The following PLCH1 variants were observed in gnomAD, a reference collection of about 807,000 sequenced individuals.
PLCH1 encodes phospholipase C eta 1.
A neutral mutation model predicts 126.7 loss-of-function variants in PLCH1; 60 were observed. The ratio of observed to expected loss-of-function variants is 0.47; its 90% CI spans 0.38 to 0.59. PLCH1 has a LOEUF of 0.59. Among genes scored for constraint, PLCH1 ranks in the 20% least tolerant of loss-of-function variants. The pLI is 0.00. For missense variants in PLCH1, 1,723 were observed against 2,040.0 expected, an observed-to-expected ratio of 0.84 and a Z score of 2.99; for synonymous variants, 719 against 734.9, an observed-to-expected ratio of 0.98 and a Z score of 0.35.
intron 15 of PLCH1, 26 bp from the exon 16 acceptor site, chr3:155,494,543 G>A (rs201479169): frequency 3.3e-5 from 32 of 977,418 alleles, no homozygotes; most frequent in Admixed American, 5.6e-5. Flanking sequence ...CGAGAAAAAA[G>A]GAAGTGAGAA....
At chr3:155,544,292 G>T (rs947507614) in intron 10 of PLCH1, among the ~76,000 whole-genome samples, 2 of 152,140 alleles carry the variant, frequency 1.3e-5, no homozygotes, top group African/African-American at 2.4e-5. Flanking sequence ...GACAAAGAAG[G>T]CCATTACATA....
intron 6 of PLCH1, among the ~76,000 whole-genome samples, chr3:155,569,788 T>C (rs1728965921): frequency 1.3e-5 from 2 of 152,150 alleles, no homozygotes; most frequent in Non-Finnish European, 1.5e-5. Context: ...TGTTCAGAAA[T>C]GTAGAGGTCT....
chr3:155,645,558 CCTCAACCTCCCAGG>C (rs1283065288), intron 2 of PLCH1, among the ~76,000 whole-genome samples: 1 of 152,164 alleles, frequency 6.6e-6, no homozygotes, highest in African/African-American at 2.4e-5. Context: ...CTTACTGCAG[CCTCAACCTCCCAGG>C]CTCAAGCGAT....
chr3:155,582,993 A>T (rs1730913189), intron 6 of PLCH1, among the ~76,000 whole-genome samples: 1 of 151,796 alleles, frequency 6.6e-6, no homozygotes, highest in African/African-American at 2.4e-5. Context: ...CAGAATTACC[A>T]ATGACCTACC....
chr3:155,475,283 A>T (rs1368478625), downstream of PLCH1, among the ~76,000 whole-genome samples: 1 of 152,028 alleles, frequency 6.6e-6, no homozygotes, highest in African/African-American at 2.4e-5. Flanking sequence ...CGATAATGGA[A>T]ATATAACTTA....
At chr3:155,519,829 A>G (rs926011340) in intron 11 of PLCH1, among the ~76,000 whole-genome samples, 1 of 151,600 alleles carries the variant, frequency 6.6e-6, no homozygotes, top group Non-Finnish European at 1.5e-5. Context: ...AAGTATTTCA[A>G]CATCCCCCCA....
intron 2 of PLCH1, among the ~76,000 whole-genome samples, chr3:155,681,732 A>G (rs1744555260): frequency 6.6e-6 from 1 of 152,236 alleles, no homozygotes; most frequent in Admixed American, 6.5e-5. Context: ...CAAACACATG[A>G]AACCTCAACA....
At chr3:155,602,282 A>G (rs901663949) in intron 2 of PLCH1, among the ~76,000 whole-genome samples, 3 of 152,190 alleles carry the variant, frequency 2.0e-5, no homozygotes, top group African/African-American at 7.2e-5. Context: ...ATATACAAAT[A>G]CCTGCTTATC....
In PLCH1 at chr3:155,659,302, C is replaced by CTTTTTTTTTTTTTTT. The variant is rs753258422; in HGVS notation, c.79+44829_79+44843dup. On this transcript the variant is annotated intron_variant, in intron 2 of 22. Transcript: ENST00000460012. ...CCAGGCGTGAGATGTCTATTCACTTCTTTTTTTTTTTTTTTTTTTTTTTTT... is the reference window on the plus strand; with the variant it reads ...CCAGGCGTGAGATGTCTATTCACTTCTTTTTTTTTTTTTTTTTTTTTTTTTTTTTTTTTTTTTTTT... Among the ~76,000 whole-genome samples, 6 of 30,846 alleles carry CTTTTTTTTTTTTTTT rather than the reference C, an allele frequency of 1.9e-4. 2 individuals carry two copies. Among genetic ancestry groups the CTTTTTTTTTTTTTTT allele is most frequent in the Admixed American group, 1.1e-3 (2 of 1,830 alleles). 20.2% of individuals were successfully genotyped at this position (30,846 alleles called of 152,430 possible). A position where few individuals can be genotyped will look rare whatever the true frequency, so the allele number is the denominator to read the frequency against.
chr3:155,677,067 T>C (rs1451206577), intron 2 of PLCH1, among the ~76,000 whole-genome samples: 1 of 152,210 alleles, frequency 6.6e-6, no homozygotes, highest in Non-Finnish European at 1.5e-5. Context: ...CATTGAGGCA[T>C]TGTAACTAAG....
At chr3:155,545,411 A>G (rs1264678389) in intron 10 of PLCH1, among the ~76,000 whole-genome samples, 1 of 145,114 alleles carries the variant, frequency 6.9e-6, no homozygotes, top group Admixed American at 6.9e-5. Flanking sequence ...TTACCAACCA[A>G]AAAGAGTCCA....
At chr3:155,708,541 TGA>T (rs1442039795) in intron 1 of PLCH1, among the ~76,000 whole-genome samples, 1 of 152,222 alleles carries the variant, frequency 6.6e-6, no homozygotes, top group Non-Finnish European at 1.5e-5. Context: ...CAAAGCAGGT[TGA>T]GTCTTTCATG....
At chr3:155,743,058 T>G (rs1274176627) in intron 1 of PLCH1, 2 of 289,100 alleles carry the variant, frequency 6.9e-6, no homozygotes, top group East Asian at 2.7e-4. Flanking sequence ...AAATAGCAAC[T>G]AGGTACCAAT....
At chr3:155,505,820 C>A (rs1426789515) in intron 12 of PLCH1, among the ~76,000 whole-genome samples, 1 of 151,780 alleles carries the variant, frequency 6.6e-6, no homozygotes, top group Non-Finnish European at 1.5e-5. Flanking sequence ...TAGCACTGCT[C>A]TCCAAGTCAG....
At position 155,607,951 on chromosome 3, in the gene PLCH1, A is replaced by T. The variant is rs535096906; in HGVS notation, c.80-11573T>A. Reference sequence around the variant, plus strand: ...CTGTGGAAGAAACAGCTCACTCTGTAAATTCCACGAGACAGCAAAAAAACT... The same window carrying T: ...CTGTGGAAGAAACAGCTCACTCTGTTAATTCCACGAGACAGCAAAAAAACT... On this transcript the variant is annotated intron_variant, in intron 2 of 22. Transcript: ENST00000460012. Among the ~76,000 whole-genome samples, 9 of 152,310 alleles carry T rather than the reference A, an allele frequency of 5.9e-5. No individual in the cohort carries two copies. The South Asian group carries it at 1.9e-3, about 32-fold the overall frequency.
At chr3:155,598,355 C>T (rs1733260467) in intron 2 of PLCH1, among the ~76,000 whole-genome samples, 1 of 152,148 alleles carries the variant, frequency 6.6e-6, no homozygotes, top group Non-Finnish European at 1.5e-5. Context: ...GCCACATTAA[C>T]CATCTCACAC....
chr3:155,551,316 G>A (rs1457834038), intron 9 of PLCH1, among the ~76,000 whole-genome samples: 7 of 151,700 alleles, frequency 4.6e-5, no homozygotes, highest in South Asian at 2.1e-4. Context: ...ATTGTGGCAC[G>A]TGCCGGTAAT....
intron 6 of PLCH1, among the ~76,000 whole-genome samples, chr3:155,577,991 G>A (rs536350154): frequency 6.6e-6 from 1 of 152,266 alleles, no homozygotes; most frequent in Non-Finnish European, 1.5e-5. Flanking sequence ...CCCTTTGCAT[G>A]GATCAGGAAA....
intron 21 of PLCH1, among the ~76,000 whole-genome samples, chr3:155,471,711 A>G: frequency 6.6e-6 from 1 of 150,946 alleles, no homozygotes. Context: ...AAAGAACAGA[A>G]ATTATAACAA....
Sources: allele counts gnomAD v4.1 joint callset (sites outside exome capture counted in the v4.1 genomes callset), GRCh38; gene constraint gnomAD v4.1.1; transcripts MANE v1.5; gene names NCBI Gene and HGNC (gene_info 2026-07-23, HGNC 2026-07-21).